The following RTF1 variants were observed in gnomAD, a reference collection of about 807,000 sequenced individuals.
RTF1 encodes the protein RNA polymerase-associated protein RTF1 homolog.
A neutral mutation model predicts 95.7 loss-of-function variants in RTF1; 10 were observed. That is an observed-to-expected ratio of 0.10 (90% CI 0.06 to 0.18). The LOEUF (loss-of-function observed/expected upper bound fraction) is 0.18. Among genes scored for constraint, RTF1 ranks in the 10% least tolerant of loss-of-function variants. The pLI is 1.00. For missense variants in RTF1, 458 were observed against 875.6 expected (o/e 0.52, Z 6.02); for synonymous variants, 305 against 311.8 (o/e 0.98, Z 0.23).
Position 41,444,104 on chromosome 15 carries a change from T to A in RTF1, c.309+5673T>A, listed in dbSNP as rs543172572. ...AAGAAAAAGAAAAATTAAAAAAAAA[T>A]TTTTTTTAATACAAAAATTAGTCAG... On this transcript the variant is annotated intron_variant, in intron 2 of 17. Coordinates refer to ENST00000389629, the MANE Select transcript of RTF1 (RefSeq NM_015138.5). Among the ~76,000 whole-genome samples the A allele has an allele frequency of 3.6e-3, 543 of 149,344 alleles. 2 individuals are homozygous for A. The highest frequency in any genetic ancestry group is 0.01 in the African/African-American group (412 of 40,754).
rs746352573 is a variant in RTF1 at position 41,458,084 on chromosome 15, G to T, written c.662+208G>T. 1.3e-5 allele frequency among the ~76,000 whole-genome samples: 2 copies of T among 152,084 alleles called. 1 individual carries two copies. The highest frequency in any genetic ancestry group is 4.1e-4 in the South Asian group (2 of 4,824). On this transcript the variant is annotated intron_variant, in intron 4 of 17. Coordinates refer to ENST00000389629, the MANE Select transcript of RTF1 (RefSeq NM_015138.5). ...CCACTGGCTTTGTTTACTAATGTAC[G>T]TTATTCAGAAGGTTTTATTCATAAG...
intron 16 of RTF1, among the ~76,000 whole-genome samples, chr15:41,479,998 C>A (rs181700930): frequency 5.2e-4 from 79 of 152,286 alleles, no homozygotes; most frequent in African/African-American, 1.7e-3. Flanking sequence ...TACACTCATA[C>A]CACAGACACA....
intron 1 of RTF1, among the ~76,000 whole-genome samples, chr15:41,426,781 A>ATATGTGTGTGTG (rs767579491): frequency 1.3e-5 from 1 of 78,456 alleles, no homozygotes; most frequent in Non-Finnish European, 2.5e-5. Context: ...CTACATATAT[A>ATATGTGTGTGTG]TGTGTGTGTG....
intron 1 of RTF1, among the ~76,000 whole-genome samples, chr15:41,427,854 T>G (rs1018066220): frequency 1.3e-5 from 2 of 152,082 alleles, no homozygotes; most frequent in Admixed American, 1.3e-4. Flanking sequence ...TGGGGCAATC[T>G]CAGCTCACTG....
intron 2 of RTF1, among the ~76,000 whole-genome samples, chr15:41,445,976 G>A (rs2050758742): frequency 6.6e-6 from 1 of 152,030 alleles, no homozygotes; most frequent in African/African-American, 2.4e-5. Context: ...GGCCTCAAGT[G>A]ATCTGTCTGC....
At chr15:41,425,218 C>A (rs1256970976) in intron 1 of RTF1, among the ~76,000 whole-genome samples, 1 of 152,060 alleles carries the variant, frequency 6.6e-6, no homozygotes, top group Non-Finnish European at 1.5e-5. Context: ...TCTCCTGCCT[C>A]AGCCTCCCGA....
At chr15:41,468,539 G>A (rs960060803) in intron 6 of RTF1, among the ~76,000 whole-genome samples, 4 of 152,200 alleles carry the variant, frequency 2.6e-5, no homozygotes, top group East Asian at 1.9e-4. Context: ...GGATGGTCTT[G>A]ATCTCCTGAC....
At chr15:41,457,959 C>G in intron 4 of RTF1, 83 bp downstream of exon 4, 1 of 1,077,128 alleles carries the variant, frequency 9.3e-7, no homozygotes, top group South Asian at 1.4e-5. Flanking sequence ...GTCCTTCACA[C>G]CTGACCTACA....
At chr15:41,464,688 C>T in intron 4 of RTF1, 83 bp from the exon 5 acceptor site, 1 of 1,215,824 alleles carries the variant, frequency 8.2e-7, no homozygotes, top group Non-Finnish European at 1.1e-6. Context: ...GCTCCTTTCC[C>T]TTAGTTCCTT....
At position 41,482,336 on chromosome 15, in the gene RTF1, G is replaced by C. The variant is rs868101454; in HGVS notation, c.*1649G>C. 1 of 152,538 alleles carries C rather than the reference G, an allele frequency of 6.6e-6. No individual in the cohort carries two copies. Among genetic ancestry groups the C allele is most frequent in the South Asian group, 2.1e-4 (1 of 4,820 alleles). 9.4% of individuals were successfully genotyped at this position (152,538 alleles called of 1,614,324 possible). A position where few individuals can be genotyped will look rare whatever the true frequency, so the allele number is the denominator to read the frequency against. On this transcript the variant is annotated 3_prime_UTR_variant, in exon 18 of 18. Transcript: ENST00000389629. ...GCTGACTATATATACCAAGAGCTAA[G>C]CTAAAGGAACAGCTGAGAGCTCCGA...
At position 41,483,352 on chromosome 15, in the gene RTF1, G is replaced by T. The variant is rs1207997958; in HGVS notation, c.*2665G>T. On this transcript the variant is annotated 3_prime_UTR_variant, in exon 18 of 18. Transcript: ENST00000389629. ...AAGGTTGTTTTTATGCATTTTTTCA[G>T]TTCCTTCCAAGAAGCAAAAAGGCCA... The T allele has an allele frequency of 1.3e-5, 2 of 152,536 alleles. No individual in the cohort carries two copies. The highest frequency in any genetic ancestry group is 2.9e-5 in the Non-Finnish European group (2 of 68,028). The allele number at this position is 152,536 out of a possible 1,614,324, so 9.4% of individuals were successfully genotyped here. A position where few individuals can be genotyped will look rare whatever the true frequency, so the allele number is the denominator to read the frequency against.
intron 2 of RTF1, among the ~76,000 whole-genome samples, chr15:41,442,603 G>A (rs184764581): frequency 2.3e-3 from 344 of 152,060 alleles, no homozygotes; most frequent in African/African-American, 5.0e-3. Context: ...GGCAATTCTC[G>A]GGCCAGGCAT....
chr15:41,449,227 A>ATTTTTTTTTTTTTTTTTTTTT (rs34660598), intron 2 of RTF1, among the ~76,000 whole-genome samples: 1 of 109,296 alleles, frequency 9.1e-6, no homozygotes, highest in Non-Finnish European at 1.8e-5. Context: ...AGGCAGGTGA[A>ATTTTTTTTTTTTTTTTTTTTT]TTTTTTTTTT....
intron 4 of RTF1, among the ~76,000 whole-genome samples, chr15:41,464,213 C>T (rs769890100): frequency 3.3e-5 from 5 of 150,742 alleles, no homozygotes; most frequent in African/African-American, 4.9e-5. Context: ...TAGAGTGGCG[C>T]AGATGAGTAC....
At chr15:41,447,418 A>G (rs1241506216) in intron 2 of RTF1, among the ~76,000 whole-genome samples, 2 of 152,178 alleles carry the variant, frequency 1.3e-5, no homozygotes, top group Admixed American at 6.6e-5. Context: ...GGACCTGCTT[A>G]TAACATTCTA....
At chr15:41,470,886 C>G (rs932824893) in intron 7 of RTF1, among the ~76,000 whole-genome samples, 1 of 152,020 alleles carries the variant, frequency 6.6e-6, no homozygotes, top group Non-Finnish European at 1.5e-5. Flanking sequence ...TCTCGATCTC[C>G]TGACCTCGTG....
intron 2 of RTF1, 119 bp from the exon 3 acceptor site, chr15:41,452,782 G>A: frequency 1.4e-6 from 1 of 734,428 alleles, no homozygotes; most frequent in Non-Finnish European, 2.0e-6. Context: ...TTCATATGAA[G>A]TGTATTTGTT....
intron 1 of RTF1, among the ~76,000 whole-genome samples, chr15:41,430,797 T>C (rs967591131): frequency 6.6e-6 from 1 of 152,080 alleles, no homozygotes; most frequent in African/African-American, 2.4e-5. Flanking sequence ...TTGCTGTGAG[T>C]TTTCCCAGTA....
chr15:41,438,269 G>C, intron 1 of RTF1, 52 bp from the exon 2 acceptor site: 1 of 1,236,298 alleles, frequency 8.1e-7, no homozygotes, highest in South Asian at 1.4e-5. Flanking sequence ...ATTATTCTTG[G>C]ATATTCTTTC....
Sources: gnomAD v4.1 joint callset for allele counts (sites outside exome capture counted in the v4.1 genomes callset) on GRCh38, gnomAD v4.1.1 for gene constraint, MANE v1.5 for transcripts, NCBI Gene and HGNC (gene_info 2026-07-23, HGNC 2026-07-21) for gene names.